ZEB1: variants seen among roughly 807,000 people sequenced by gnomAD.
The protein encoded by ZEB1 is zinc finger E-box binding homeobox 1.
In ZEB1, 21 loss-of-function variants were observed where a neutral mutation model predicts 84.9. The observed-to-expected ratio is 0.25, with a 90% CI of 0.18 to 0.36. The LOEUF is 0.36. Ranked by LOEUF, ZEB1 falls within the 10% of genes least tolerant of loss-of-function variation. ZEB1 has a pLI of 1.00. For synonymous variants in ZEB1, 420 were observed against 471.1 expected (o/e 0.89, Z 1.41); for missense variants, 1,104 against 1,330.2 (o/e 0.83, Z 2.65).
rs190618327 is a variant in ZEB1 at position 31,518,282 on chromosome 10, A to G, written c.794-1844A>G. 2.7e-3 allele frequency among the ~76,000 whole-genome samples: 407 copies of G among 152,258 alleles called. 7 individuals are homozygous for G. Among genetic ancestry groups the G allele is most frequent in the Admixed American group, 0.021 (326 of 15,280 alleles). ...CCCAGAGGTGGGTTAACAAGCAGGT[A>G]AGGGTTCTAAAACCCACATCCTGTG... On this transcript the variant is annotated intron_variant, in intron 6 of 8. Coordinates refer to ENST00000424869, the MANE Select transcript of ZEB1 (RefSeq NM_001174096.2).
chr10:31,447,302 G>C (rs1252350745), intron 1 of ZEB1, among the ~76,000 whole-genome samples: 2 of 143,426 alleles, frequency 1.4e-5, no homozygotes, highest in African/African-American at 5.2e-5. Flanking sequence ...TTGAGCCTAT[G>C]TGTGTCTCTG....
At chr10:31,394,733 C>T (rs2050381188) in intron 1 of ZEB1, among the ~76,000 whole-genome samples, 1 of 152,184 alleles carries the variant, frequency 6.6e-6, no homozygotes, top group South Asian at 2.1e-4. Context: ...GTATAATGTT[C>T]CGTCATATGC....
chr10:31,321,386 T>A, intron 1 of ZEB1: 1 of 1,578,126 alleles, frequency 6.3e-7, no homozygotes, highest in South Asian at 1.2e-5. Flanking sequence ...ACGAAAGGTA[T>A]TTTGGTATTC....
intron 1 of ZEB1, among the ~76,000 whole-genome samples, chr10:31,371,335 G>A (rs971991930): frequency 6.6e-6 from 1 of 152,122 alleles, no homozygotes; most frequent in Admixed American, 6.5e-5. Context: ...TTTGGTGGGG[G>A]TTGTTGGAGG....
rs1285688880 is a variant in ZEB1, at chr10:31,526,844, C to T, written c.2958C>T (p.Tyr986=). Residue 986 remains tyrosine (Y), a synonymous_variant, in exon 9 of 9, where the codon TAC becomes TAT. Coordinates refer to ENST00000424869, the MANE Select transcript of ZEB1 (RefSeq NM_001174096.2). ...AACACATGAATCATCGCTACTCCTA[C>T]TGTAAGAGAGAAGCGGAAGAACGTG... ...YSQHMNHRYS[Y]CKREAEERDS... 6.2e-7 allele frequency: 1 copy of T among 1,614,016 alleles called. No homozygotes were observed. Among genetic ancestry groups the T allele is most frequent in the East Asian group, 2.2e-5 (1 of 44,856 alleles).
chr10:31,370,110 C>T (rs971455305), intron 1 of ZEB1, among the ~76,000 whole-genome samples: 6 of 152,144 alleles, frequency 3.9e-5, no homozygotes, highest in African/African-American at 1.4e-4. Context: ...ATATTAACCC[C>T]TTATTAAATG....
intron 1 of ZEB1, among the ~76,000 whole-genome samples, chr10:31,395,104 G>C (rs955988256): frequency 6.6e-6 from 1 of 152,202 alleles, no homozygotes; most frequent in African/African-American, 2.4e-5. Context: ...TAAGGCATCT[G>C]TGAAACATTG....
intron 1 of ZEB1, among the ~76,000 whole-genome samples, chr10:31,438,637 A>G (rs922189299): frequency 6.6e-6 from 1 of 152,184 alleles, no homozygotes; most frequent in Non-Finnish European, 1.5e-5. Context: ...GGGGCTCAAG[A>G]CCACCATAGG....
chr10:31,387,456 A>T (rs1041672217), intron 1 of ZEB1, among the ~76,000 whole-genome samples: 7 of 152,174 alleles, frequency 4.6e-5, no homozygotes, highest in African/African-American at 1.7e-4. Context: ...TGTCCTGGGG[A>T]TGTATGGATA....
At chr10:31,344,664 C>T (rs1207337666) in intron 1 of ZEB1, among the ~76,000 whole-genome samples, 9 of 152,030 alleles carry the variant, frequency 5.9e-5, no homozygotes, top group Admixed American at 3.3e-4. Flanking sequence ...ACAGTTTGTT[C>T]GCTGTACCTC....
intron 1 of ZEB1, among the ~76,000 whole-genome samples, chr10:31,455,221 T>C (rs945742957): frequency 6.6e-6 from 1 of 152,174 alleles, no homozygotes; most frequent in Non-Finnish European, 1.5e-5. Flanking sequence ...TGCAGAAAAC[T>C]GAAACTGGAC....
At chr10:31,445,888 G>C (rs1477118179) in intron 1 of ZEB1, among the ~76,000 whole-genome samples, 2 of 122,408 alleles carry the variant, frequency 1.6e-5, no homozygotes, top group African/African-American at 6.5e-5. Flanking sequence ...TTTTTTGGTT[G>C]TGTCTCTGCC....
chr10:31,465,634 A>T (rs1196615859), intron 2 of ZEB1, among the ~76,000 whole-genome samples: 1 of 152,154 alleles, frequency 6.6e-6, no homozygotes, highest in African/African-American at 2.4e-5. Context: ...TTTAATACAG[A>T]GATAGGGCCT....
rs144629859 is a variant in ZEB1, at chr10:31,424,374, G to A, written c.59-36663G>A. ...TTAGTAATATGAGTGAAACTTACTG[G>A]GGATGATATTTTATTTAAGCTGCTA... On this transcript the variant is annotated intron_variant, in intron 1 of 8. Transcript: ENST00000424869. Among the ~76,000 whole-genome samples, 22 of 152,000 alleles carry A rather than the reference G, an allele frequency of 1.4e-4. No individual in the cohort carries two copies. The East Asian group carries it at 4.2e-3, about 29-fold the overall frequency.
intron 4 of ZEB1, among the ~76,000 whole-genome samples, chr10:31,509,380 GC>G (rs2069573888): frequency 6.6e-6 from 1 of 152,190 alleles, no homozygotes; most frequent in Non-Finnish European, 1.5e-5. Context: ...GCATTGGAGA[GC>G]CTTTGCAGGT....
intron 1 of ZEB1, among the ~76,000 whole-genome samples, chr10:31,334,460 A>G (rs964969878): frequency 6.6e-6 from 1 of 152,152 alleles, no homozygotes; most frequent in African/African-American, 2.4e-5. Flanking sequence ...ATGTATAGCT[A>G]AAATGGGAAT....
chr10:31,492,049 G>C (rs1328096363), intron 2 of ZEB1, among the ~76,000 whole-genome samples: 2 of 151,916 alleles, frequency 1.3e-5, no homozygotes, highest in African/African-American at 2.4e-5. Flanking sequence ...ATAGCAGAAA[G>C]CTGGCTCAGC....
chr10:31,436,864 C>T (rs1270996114), intron 1 of ZEB1, among the ~76,000 whole-genome samples: 1 of 152,090 alleles, frequency 6.6e-6, no homozygotes, highest in Admixed American at 6.6e-5. Flanking sequence ...AGAATGTCCA[C>T]TTCTTTCATC....
chr10:31,332,117 T>G lies in ZEB1; in HGVS notation c.58+12825T>G, dbSNP rs181405796. ...GCTTTCCTGAGTTTTTGCTTATCTA[T>G]TCTGATAATACTAATAGATTTGCAT... On this transcript the variant is annotated intron_variant, in intron 1 of 8. Transcript: ENST00000424869. Among the ~76,000 whole-genome samples, 74 of 152,322 alleles carry G rather than the reference T, an allele frequency of 4.9e-4. 2 individuals carry two copies. In the East Asian group the frequency reaches 0.012, roughly 25 times the overall value.
Sources: gnomAD v4.1 joint callset for allele counts (sites outside exome capture counted in the v4.1 genomes callset) on GRCh38, gnomAD v4.1.1 for gene constraint, MANE v1.5 for transcripts, NCBI Gene and HGNC (gene_info 2026-07-23, HGNC 2026-07-21) for gene names.